Variants in CABLES1 observed in about 807,000 individuals in gnomAD.
CABLES1 encodes the protein CDK5 and ABL1 enzyme substrate 1.
In CABLES1, 36 loss-of-function variants were observed where a neutral mutation model predicts 57.8. The observed-to-expected ratio is 0.62, with a 90% CI of 0.48 to 0.82. CABLES1 has a LOEUF of 0.82. CABLES1 is among the 40% of genes least tolerant of loss of function. The pLI is 0.00. For synonymous variants in CABLES1, 374 were observed against 363.0 expected, an observed-to-expected ratio of 1.03 and a Z score of -0.35; for missense variants, 767 against 836.6, an observed-to-expected ratio of 0.92 and a Z score of 1.03.
At chr18:23,237,656 A>G (rs1365900722) in intron 7 of CABLES1, among the ~76,000 whole-genome samples, 2 of 152,250 alleles carry the variant, frequency 1.3e-5, no homozygotes, top group Non-Finnish European at 2.9e-5. Flanking sequence ...ATTTGGCCCC[A>G]GGCTGGGGAT....
intron 4 of CABLES1, among the ~76,000 whole-genome samples, chr18:23,215,192 A>T (rs2047432882): frequency 6.6e-6 from 1 of 152,152 alleles, no homozygotes; most frequent in Non-Finnish European, 1.5e-5. Context: ...AAGTAGCAGC[A>T]AATCCTGCAG....
intron 3 of CABLES1, among the ~76,000 whole-genome samples, chr18:23,213,471 G>T: frequency 6.6e-6 from 1 of 152,128 alleles, no homozygotes. Flanking sequence ...TTATGTAATT[G>T]TTCCCTTAAT....
intron 1 of CABLES1, among the ~76,000 whole-genome samples, chr18:23,184,221 G>A (rs1317231746): frequency 6.6e-6 from 1 of 152,108 alleles, no homozygotes; most frequent in Non-Finnish European, 1.5e-5. Context: ...AGGAACAGGT[G>A]GGCATTTGGG....
At chr18:23,200,411 C>A (rs1015154011) in intron 3 of CABLES1, among the ~76,000 whole-genome samples, 5 of 152,138 alleles carry the variant, frequency 3.3e-5, no homozygotes, top group Non-Finnish European at 7.4e-5. Flanking sequence ...AGGCACCCGC[C>A]ACCATGCCCA....
chr18:23,238,170 G>T (rs1341403029), intron 7 of CABLES1, among the ~76,000 whole-genome samples: 1 of 152,354 alleles, frequency 6.6e-6, no homozygotes, highest in Admixed American at 6.5e-5. Context: ...GAACCAGGGG[G>T]TCTTTTTTCT....
chr18:23,141,710 A>G (rs1172356519), intron 1 of CABLES1, among the ~76,000 whole-genome samples: 1 of 152,212 alleles, frequency 6.6e-6, no homozygotes, highest in Non-Finnish European at 1.5e-5. Flanking sequence ...GGAGAAATAC[A>G]TAGGAAGCCT....
Position 23,253,860 on chromosome 18 carries a change from G to A in CABLES1, c.1685G>A (p.Cys562Tyr), listed in dbSNP as rs765940452. 1.2e-6 allele frequency: 2 copies of A among 1,614,234 alleles called. No homozygotes were observed. The highest frequency in any genetic ancestry group is 1.7e-6 in the Non-Finnish European group (2 of 1,180,040). ...GKLNKQNRKL[C>Y]AGACVLLAAK... is the part of the protein sequence containing the mutation. ...CTCAACAAACAGAACCGGAAGCTGTGTGCTGGGGCATGTGTGCTGTTAGCA... is the reference window on the plus strand; with the variant it reads ...CTCAACAAACAGAACCGGAAGCTGTATGCTGGGGCATGTGTGCTGTTAGCA... Residue 562 changes from cysteine to tyrosine, a missense_variant, in exon 9 of 10, where the codon TGT becomes TAT. Physicochemically the swap from Cys to Tyr is radical, Grantham distance 194. Coordinates refer to ENST00000256925, the MANE Select transcript of CABLES1 (RefSeq NM_001100619.3).
chr18:23,194,569 A>C, intron 3 of CABLES1, 29 bp downstream of exon 3: 2 of 1,464,980 alleles, frequency 1.4e-6, no homozygotes, highest in Non-Finnish European at 1.9e-6. Flanking sequence ...AGCGGCTGCC[A>C]GCACCAGTGG....
At chr18:23,200,548 C>T (rs189038762) in intron 3 of CABLES1, among the ~76,000 whole-genome samples, 55 of 151,990 alleles carry the variant, frequency 3.6e-4, no homozygotes, top group African/African-American at 1.3e-3. Flanking sequence ...AGGCGTGAGC[C>T]ACCGTGCCCG....
intron 3 of CABLES1, among the ~76,000 whole-genome samples, chr18:23,209,964 T>C (rs1305756770): frequency 6.6e-6 from 1 of 152,214 alleles, no homozygotes; most frequent in East Asian, 1.9e-4. Context: ...CTTTGTGGTC[T>C]GAAGCTGCAA....
chr18:23,246,455 G>GCA lies in CABLES1; in HGVS notation c.1447-6505_1447-6504insCA, dbSNP rs1406970298. On this transcript the variant is annotated intron_variant, in intron 7 of 9. Coordinates refer to ENST00000256925, the MANE Select transcript of CABLES1 (RefSeq NM_001100619.3). ...CGCCCAGGCTGAAGTGCAGTGGCAA[G>GCA]ATCTTGGCTCACTGCAAGCTCCGCC... 2.5e-4 allele frequency among the ~76,000 whole-genome samples: 38 copies of GCA among 151,908 alleles called. 1 individual carries two copies. Among genetic ancestry groups the GCA allele is most frequent in the Admixed American group, 2.5e-3 (38 of 15,248 alleles).
intron 3 of CABLES1, among the ~76,000 whole-genome samples, chr18:23,211,761 G>A (rs1335767334): frequency 6.6e-6 from 1 of 152,260 alleles, no homozygotes; most frequent in African/African-American, 2.4e-5. Flanking sequence ...TGCCTCATCA[G>A]TTAAAGCATT....
chr18:23,201,947 C>T (rs912481069), intron 3 of CABLES1, among the ~76,000 whole-genome samples: 4 of 152,222 alleles, frequency 2.6e-5, no homozygotes, highest in African/African-American at 7.2e-5. Context: ...GAAGCGCATG[C>T]GCCCTGATGG....
At chr18:23,237,731 CT>C (rs1648288829) in intron 7 of CABLES1, among the ~76,000 whole-genome samples, 1 of 152,270 alleles carries the variant, frequency 6.6e-6, no homozygotes, top group South Asian at 2.1e-4. Flanking sequence ...AAACCTTTCT[CT>C]GCTGTTTTTA....
chr18:23,238,884 G>T (rs555983775), intron 7 of CABLES1, among the ~76,000 whole-genome samples: 1 of 152,168 alleles, frequency 6.6e-6, no homozygotes, highest in Non-Finnish European at 1.5e-5. Context: ...CACAACTGCC[G>T]ACCTCGGGGT....
chr18:23,225,559 C>G (rs1043875656), intron 4 of CABLES1, among the ~76,000 whole-genome samples: 1 of 152,112 alleles, frequency 6.6e-6, no homozygotes, highest in Non-Finnish European at 1.5e-5. Flanking sequence ...CAGATGTTGC[C>G]CAGCTTTTTC....
chr18:23,199,616 C>A (rs1002977877), intron 3 of CABLES1, among the ~76,000 whole-genome samples: 1 of 152,114 alleles, frequency 6.6e-6, no homozygotes, highest in East Asian at 1.9e-4. Context: ...CATATGACTC[C>A]ATTTAATTGA....
chr18:23,187,914 T>G (rs2047214409), intron 1 of CABLES1, among the ~76,000 whole-genome samples: 1 of 152,200 alleles, frequency 6.6e-6, no homozygotes, highest in South Asian at 2.1e-4. Flanking sequence ...TTAGGGCAAA[T>G]TAGAACATGG....
rs569579022 is a variant in CABLES1 at position 23,174,821 on chromosome 18, C to CATATATATATATATAT, written c.846-13992_846-13977dup. Among the ~76,000 whole-genome samples the CATATATATATATATAT allele has an allele frequency of 1.0e-3, 96 of 94,550 alleles. 1 individual carries two copies. The highest frequency in any genetic ancestry group is 2.6e-3 in the African/African-American group (64 of 24,578). The allele number at this position is 94,550 out of a possible 152,430, so 62.0% of individuals were successfully genotyped here. On this transcript the variant is annotated intron_variant, in intron 1 of 9. Coordinates refer to ENST00000256925, the MANE Select transcript of CABLES1 (RefSeq NM_001100619.3). ...ATTTGTATGTATATACATGTTACACCATATATATATATATATATATATATA... is the reference window on the plus strand; with the variant it reads ...ATTTGTATGTATATACATGTTACACCATATATATATATATATATATATATATATATATATATATATA...
Sources: gnomAD v4.1 joint callset for allele counts (sites outside exome capture counted in the v4.1 genomes callset) on GRCh38, gnomAD v4.1.1 for gene constraint, MANE v1.5 for transcripts, NCBI Gene and HGNC (gene_info 2026-07-23, HGNC 2026-07-21) for gene names.